The following WDFY2 variants were observed in gnomAD, a reference collection of about 807,000 sequenced individuals.
WDFY2 encodes WD repeat and FYVE domain-containing protein 2.
In WDFY2, 36 loss-of-function variants were observed where a neutral mutation model predicts 56.4. That is an observed-to-expected ratio of 0.64 (90% CI 0.49 to 0.84). The LOEUF is 0.84. WDFY2 is among the 40% of genes least tolerant of loss of function. WDFY2 has a pLI of 0.00. For synonymous variants in WDFY2, 176 were observed against 183.7 expected, an observed-to-expected ratio of 0.96 and a Z score of 0.34; for missense variants, 444 against 512.2, an observed-to-expected ratio of 0.87 and a Z score of 1.29.
At chr13:51,610,241 T>TTC (rs1954471608) in intron 1 of WDFY2, among the ~76,000 whole-genome samples, 7 of 106,512 alleles carry the variant, frequency 6.6e-5, no homozygotes, top group Non-Finnish European at 1.3e-4. Flanking sequence ...TATTTGACTG[T>TTC]TTTTTTTTTT....
chr13:51,646,114 C>T (rs1382956929), intron 1 of WDFY2, among the ~76,000 whole-genome samples: 2 of 152,210 alleles, frequency 1.3e-5, no homozygotes, highest in Admixed American at 6.5e-5. Flanking sequence ...TGCCTACATC[C>T]TCCAAACTGG....
At chr13:51,705,297 A>ACTTTTT (rs1952060516) in intron 4 of WDFY2, among the ~76,000 whole-genome samples, 1 of 152,262 alleles carries the variant, frequency 6.6e-6, no homozygotes, top group East Asian at 1.9e-4. Context: ...CCTGTGAGAG[A>ACTTTTT]CTTTTTGACA....
intron 1 of WDFY2, among the ~76,000 whole-genome samples, chr13:51,616,038 G>T (rs1954604863): frequency 6.6e-6 from 1 of 152,206 alleles, no homozygotes. Flanking sequence ...GAGCCCAGAA[G>T]TTCGGGACCA....
At chr13:51,588,214 C>T (rs1210928003) in intron 1 of WDFY2, 1 of 152,210 alleles carries the variant, frequency 6.6e-6, no homozygotes, top group Non-Finnish European at 1.5e-5. Flanking sequence ...GCCATTTTAG[C>T]ATTCCCTGCC....
At chr13:51,662,180 A>G (rs1955627598) in intron 2 of WDFY2, among the ~76,000 whole-genome samples, 1 of 152,202 alleles carries the variant, frequency 6.6e-6, no homozygotes. Flanking sequence ...CATGTTAGCC[A>G]GGCTGGTTTC....
At position 51,584,597 on chromosome 13, in the gene WDFY2, T is replaced by C; in HGVS notation, c.-91T>C. The stretch of plus-strand genomic sequence containing the variant: ...TTCCGCTCCGGCCAGCCAGAGTCTC[T>C]GTCTCAACCTGTGTCCGTGCTCCAG... On this transcript the variant is annotated 5_prime_UTR_variant, in exon 1 of 12. Coordinates refer to ENST00000298125, the MANE Select transcript of WDFY2 (RefSeq NM_052950.4). The C allele has an allele frequency of 1.4e-6, 2 of 1,455,176 alleles. No individual in the cohort carries two copies. The highest frequency in any genetic ancestry group is 1.8e-6 in the Non-Finnish European group (2 of 1,102,500). 90.1% of individuals were successfully genotyped at this position (1,455,176 alleles called of 1,614,324 possible). A position where few individuals can be genotyped will look rare whatever the true frequency, so the allele number is the denominator to read the frequency against.
intron 7 of WDFY2, among the ~76,000 whole-genome samples, chr13:51,748,938 G>T (rs568646238): frequency 6.6e-6 from 1 of 151,894 alleles, no homozygotes; most frequent in African/African-American, 2.4e-5. Flanking sequence ...CTTTAGTATT[G>T]CCCTTTTCAT....
intron 4 of WDFY2, among the ~76,000 whole-genome samples, chr13:51,713,478 G>A (rs921596120): frequency 7.2e-5 from 11 of 152,180 alleles, no homozygotes; most frequent in Non-Finnish European, 1.6e-4. Flanking sequence ...TAAGTTTGGT[G>A]TATACATACA....
At position 51,595,739 on chromosome 13, in the gene WDFY2, A is replaced by G. The variant is rs920067783; in HGVS notation, c.137+10915A>G. Among the ~76,000 whole-genome samples, 3 of 152,242 alleles carry G rather than the reference A, an allele frequency of 2.0e-5. No homozygotes were observed. The South Asian group carries it at 6.2e-4, about 31-fold the overall frequency. On this transcript the variant is annotated intron_variant, in intron 1 of 11. Coordinates refer to ENST00000298125, the MANE Select transcript of WDFY2 (RefSeq NM_052950.4). Reference sequence around the variant, plus strand: ...AGATAGCCAGAAAGCTCATGTTTCTAAAAACTTAGATGTGGGCCAAGGGAG... The same window carrying G: ...AGATAGCCAGAAAGCTCATGTTTCTGAAAACTTAGATGTGGGCCAAGGGAG...
chr13:51,683,185 T>C (rs150293394), intron 3 of WDFY2, among the ~76,000 whole-genome samples: 1 of 152,278 alleles, frequency 6.6e-6, no homozygotes, highest in African/African-American at 2.4e-5. Flanking sequence ...GGATTGAGAG[T>C]ATGGAATAAG....
At chr13:51,694,956 T>C (rs550238482) in intron 3 of WDFY2, among the ~76,000 whole-genome samples, 7 of 152,322 alleles carry the variant, frequency 4.6e-5, no homozygotes, top group Admixed American at 2.6e-4. Context: ...TGATACCCTT[T>C]CTTCCAGTTG....
At position 51,765,122 on chromosome 13, in the gene WDFY2, G is replaced by C. The variant is rs1462564321; in HGVS notation, c.*5353G>C. On this transcript the variant is annotated 3_prime_UTR_variant, in exon 12 of 12. Transcript: ENST00000298125. ...GGTACAGGTCTGTCTGGGAGACCTG[G>C]CCCTGTGGAGGCAGGAACACCGTGC... 3 of 152,240 alleles carry C rather than the reference G, an allele frequency of 2.0e-5. No individual in the cohort carries two copies. Among genetic ancestry groups the C allele is most frequent in the Non-Finnish European group, 4.4e-5 (3 of 68,064 alleles). 9.4% of individuals were successfully genotyped at this position (152,240 alleles called of 1,614,324 possible).
At chr13:51,659,320 A>T (rs1287050521) in intron 1 of WDFY2, among the ~76,000 whole-genome samples, 3 of 152,188 alleles carry the variant, frequency 2.0e-5, no homozygotes, top group Non-Finnish European at 4.4e-5. Context: ...GATGACTTAA[A>T]TAGTATCTTT....
rs1954102556 is a variant in WDFY2 at position 51,594,180 on chromosome 13, A to T, written c.137+9356A>T. ...GTGAACCTCCTGCCTCAGGTTACTGAATAACTGGGACTACAGGTGTGTGCC... is the reference window on the plus strand; with the variant it reads ...GTGAACCTCCTGCCTCAGGTTACTGTATAACTGGGACTACAGGTGTGTGCC... On this transcript the variant is annotated intron_variant, in intron 1 of 11. Coordinates refer to ENST00000298125, the MANE Select transcript of WDFY2 (RefSeq NM_052950.4). 2.0e-5 allele frequency: 3 copies of T among 152,212 alleles called. No homozygotes were observed. The South Asian group carries it at 6.2e-4, about 32-fold the overall frequency. The allele number at this position is 152,212 out of a possible 1,614,324, so 9.4% of individuals were successfully genotyped here. A position where few individuals can be genotyped will look rare whatever the true frequency, so the allele number is the denominator to read the frequency against.
At chr13:51,661,206 T>C (rs1233862729) in intron 2 of WDFY2, among the ~76,000 whole-genome samples, 3 of 152,188 alleles carry the variant, frequency 2.0e-5, no homozygotes, top group African/African-American at 7.2e-5. Context: ...AGTACACTTT[T>C]AAAAGAAATG....
intron 7 of WDFY2, among the ~76,000 whole-genome samples, chr13:51,746,593 G>A (rs988856761): frequency 7.2e-5 from 11 of 152,212 alleles, no homozygotes; most frequent in East Asian, 1.9e-4. Context: ...TCACTGAATC[G>A]ATGCAAATAA....
intron 5 of WDFY2, among the ~76,000 whole-genome samples, chr13:51,724,798 G>T (rs955328665): frequency 6.6e-6 from 1 of 152,214 alleles, no homozygotes; most frequent in African/African-American, 2.4e-5. Context: ...ATAAAGACAT[G>T]TATCTGCCAT....
At chr13:51,643,233 A>G (rs1051661386) in intron 1 of WDFY2, among the ~76,000 whole-genome samples, 3 of 152,140 alleles carry the variant, frequency 2.0e-5, no homozygotes, top group African/African-American at 4.8e-5. Context: ...CCATTACACA[A>G]TCACTCCTTG....
intron 3 of WDFY2, among the ~76,000 whole-genome samples, chr13:51,685,900 T>A (rs1956054962): frequency 6.6e-6 from 1 of 152,176 alleles, no homozygotes; most frequent in Admixed American, 6.6e-5. Flanking sequence ...ATGGCAATAT[T>A]TTTTGAGTGA....
Sources: allele counts gnomAD v4.1 joint callset (sites outside exome capture counted in the v4.1 genomes callset), GRCh38; gene constraint gnomAD v4.1.1; transcripts MANE v1.5; gene names NCBI Gene and HGNC (gene_info 2026-07-23, HGNC 2026-07-21).